The following SEM1 variants were observed in gnomAD, a reference collection of about 807,000 sequenced individuals.
SEM1 encodes the protein 26S proteasome complex subunit SEM1.
In SEM1, 3 loss-of-function variants were observed where a neutral mutation model predicts 12.7. The observed-to-expected ratio is 0.24, with a 90% confidence interval of 0.11 to 0.61. The LOEUF is 0.61. Among genes scored for constraint, SEM1 ranks in the 20% least tolerant of loss-of-function variants. The pLI is 0.88. For missense variants in SEM1, 59 were observed against 81.3 expected, an observed-to-expected ratio of 0.73 and a Z score of 1.06; for synonymous variants, 30 against 27.8, an observed-to-expected ratio of 1.08 and a Z score of -0.25.
chr7:96,555,681 A>G (rs985161575), intron 2 of SEM1, among the ~76,000 whole-genome samples: 1 of 144,370 alleles, frequency 6.9e-6, no homozygotes, highest in Non-Finnish European at 1.5e-5. Context: ...TTTGGGGTGG[A>G]GAGTTCTGTA....
At chr7:96,707,698 G>A (rs1790512165) in intron 1 of SEM1, among the ~76,000 whole-genome samples, 1 of 151,670 alleles carries the variant, frequency 6.6e-6, no homozygotes, top group Admixed American at 6.6e-5. Context: ...TTGAAAAATT[G>A]CTGCTCACAT....
At chr7:96,484,657 A>G (rs1802680448) in intron 3 of SEM1, among the ~76,000 whole-genome samples, 1 of 152,214 alleles carries the variant, frequency 6.6e-6, no homozygotes, top group Non-Finnish European at 1.5e-5. Flanking sequence ...TACAGAAGCC[A>G]GCATGGAATT....
At chr7:96,596,327 A>G (rs1318818585) in intron 2 of SEM1, among the ~76,000 whole-genome samples, 1 of 152,204 alleles carries the variant, frequency 6.6e-6, no homozygotes, top group Non-Finnish European at 1.5e-5. Context: ...ATGAGCCACC[A>G]GAAGGCATCT....
intron 2 of SEM1, among the ~76,000 whole-genome samples, chr7:96,521,104 C>T (rs1028980664): frequency 5.1e-4 from 78 of 152,090 alleles, no homozygotes; most frequent in African/African-American, 1.7e-3. Flanking sequence ...TCCAAGCTCA[C>T]AGAGCATCTC....
intron 2 of SEM1, among the ~76,000 whole-genome samples, chr7:96,519,473 G>A (rs1355487149): frequency 3.3e-5 from 5 of 152,062 alleles, no homozygotes; most frequent in Admixed American, 2.0e-4. Context: ...GGTAGATCAA[G>A]GTAAGTGGGA....
chr7:96,673,808 A>G (rs1353623269), exon 3 of SEM1: 1 of 765,248 alleles, frequency 1.3e-6, no homozygotes, highest in Non-Finnish European at 2.4e-6. Context: ...GGTGGAGAAC[A>G]TAGCAGCCAT....
At chr7:96,588,031 T>A (rs941145390) in intron 2 of SEM1, among the ~76,000 whole-genome samples, 1 of 152,064 alleles carries the variant, frequency 6.6e-6, no homozygotes, top group African/African-American at 2.4e-5. Flanking sequence ...TTAGAGCACC[T>A]AAAAGGAGTA....
At chr7:96,573,815 G>C (rs186832323) in intron 2 of SEM1, among the ~76,000 whole-genome samples, 2 of 152,158 alleles carry the variant, frequency 1.3e-5, no homozygotes, top group Admixed American at 6.5e-5. Context: ...GGTCTGTCTT[G>C]CTAAATTCTC....
chr7:96,664,213 G>A (rs549142040), intron 2 of SEM1: 2 of 152,282 alleles, frequency 1.3e-5, no homozygotes, highest in South Asian at 4.2e-4. Flanking sequence ...AATTCTGCAG[G>A]CCATATGTCT....
intron 2 of SEM1, among the ~76,000 whole-genome samples, chr7:96,525,680 C>T (rs1218382652): frequency 9.9e-5 from 15 of 152,088 alleles, no homozygotes; most frequent in Admixed American, 1.3e-4. Context: ...CCCCTGGCCC[C>T]AGGCTGGAAT....
At chr7:96,585,864 G>C (rs1262220811) in intron 2 of SEM1, among the ~76,000 whole-genome samples, 2 of 152,190 alleles carry the variant, frequency 1.3e-5, no homozygotes, top group Non-Finnish European at 2.9e-5. Flanking sequence ...TGCGCCCACT[G>C]TCTGGCACTC....
chr7:96,682,959 T>C (rs2115729988), intron 2 of SEM1, among the ~76,000 whole-genome samples: 1 of 152,138 alleles, frequency 6.6e-6, no homozygotes, highest in Middle Eastern at 3.4e-3. Context: ...GAAAAAGTGC[T>C]CTTTATCACT....
At position 96,679,513 on chromosome 7, in the gene SEM1, T is replaced by C. The variant is rs139808001; in HGVS notation, c.171-5654A>G. On this transcript the variant is annotated intron_variant, in intron 2 of 2. Coordinates refer to the SEM1 transcript ENST00000413065. ...ATCTTGGTGATCGATTTGTTGAAGT[T>C]ATTGAGCTTTAATGATGCCATTATT... Among the ~76,000 whole-genome samples the C allele has an allele frequency of 4.0e-4, 61 of 152,234 alleles. No individual in the cohort carries two copies. In the East Asian group the frequency reaches 0.011, roughly 27 times the overall value.
chr7:96,684,318 A>T (rs986040348), downstream of SEM1, among the ~76,000 whole-genome samples: 1 of 152,094 alleles, frequency 6.6e-6, no homozygotes, highest in Admixed American at 6.6e-5. Flanking sequence ...AAAGCTGTCC[A>T]TCCTTGTATC....
intron 2 of SEM1, among the ~76,000 whole-genome samples, chr7:96,690,094 A>C (rs1249617907): frequency 3.9e-5 from 6 of 152,170 alleles, no homozygotes; most frequent in African/African-American, 1.4e-4. Flanking sequence ...TTCATACAAA[A>C]ACTCTTGCTG....
intron 2 of SEM1, among the ~76,000 whole-genome samples, chr7:96,650,883 G>A (rs1371321187): frequency 6.6e-6 from 1 of 152,144 alleles, no homozygotes; most frequent in Non-Finnish European, 1.5e-5. Context: ...TTTTCAGTTT[G>A]CCAATGGTGT....
At chr7:96,540,177 AAAC>A (rs1185040956) in intron 2 of SEM1, among the ~76,000 whole-genome samples, 3 of 151,564 alleles carry the variant, frequency 2.0e-5, no homozygotes, top group African/African-American at 7.3e-5. Flanking sequence ...AAAACTCTGA[AAAC>A]AACCTAATAT....
intron 2 of SEM1, among the ~76,000 whole-genome samples, chr7:96,648,104 A>G (rs1183141409): frequency 6.6e-6 from 1 of 152,198 alleles, no homozygotes; most frequent in Non-Finnish European, 1.5e-5. Flanking sequence ...TCACAGGGAA[A>G]AATGCTTAGC....
At chr7:96,591,793 A>G (rs1806836013) in intron 2 of SEM1, among the ~76,000 whole-genome samples, 1 of 147,542 alleles carries the variant, frequency 6.8e-6, no homozygotes, top group Non-Finnish European at 1.5e-5. Flanking sequence ...ATGGCATGAC[A>G]CAAACCTCCA....
Sources: allele counts gnomAD v4.1 joint callset (sites outside exome capture counted in the v4.1 genomes callset), GRCh38; gene constraint gnomAD v4.1.1; transcripts MANE v1.5; gene names NCBI Gene and HGNC (gene_info 2026-07-23, HGNC 2026-07-21).